The following HNRNPU variants were observed in gnomAD, a reference collection of about 807,000 sequenced individuals.
HNRNPU encodes HNRNPU antisense RNA 1.
HNRNPU carries 5 observed loss-of-function variants against 94.7 expected under a neutral mutation model. The observed-to-expected ratio is 0.05, with a 90% confidence interval of 0.03 to 0.11. The LOEUF is 0.11. HNRNPU is among the 10% of genes least tolerant of loss of function. The probability of loss-of-function intolerance (pLI) is 1.00; values close to 1 mark genes in which losing one functional copy is unlikely to be tolerated. For synonymous variants in HNRNPU, 434 were observed against 381.6 expected, an observed-to-expected ratio of 1.14 and a Z score of -1.60; for missense variants, 710 against 1,049.2, an observed-to-expected ratio of 0.68 and a Z score of 4.47.
intron 8 of HNRNPU, 133 bp from the exon 9 acceptor site, chr1:244,856,989 C>G: frequency 1.4e-6 from 1 of 724,506 alleles, no homozygotes; most frequent in South Asian, 2.0e-5. Context: ...TCCATTATTG[C>G]TACAAAAACA....
At position 244,863,420 on chromosome 1, in the gene HNRNPU, ACGCG is replaced by A. The variant is rs1553283725; in HGVS notation, c.691+193_691+196del. 2.9e-5 allele frequency among the ~76,000 whole-genome samples: 4 copies of A among 138,796 alleles called. 1 individual carries two copies. The highest frequency in any genetic ancestry group is 4.6e-5 in the Non-Finnish European group (3 of 64,614). 91.1% of individuals were successfully genotyped at this position (138,796 alleles called of 152,430 possible). A position where few individuals can be genotyped will look rare whatever the true frequency, so the allele number is the denominator to read the frequency against. On this transcript the variant is annotated intron_variant, in intron 1 of 13. Coordinates refer to ENST00000640218, the MANE Select transcript of HNRNPU (RefSeq NM_031844.3). ...GACACACACACACACACACACACAC[ACGCG>A]CGCGCGCACACACACGCCCCGAGCC...
Position 244,859,364 on chromosome 1 carries a change from T to C in HNRNPU, c.1028A>G (p.Lys343Arg). ...KVCFEMKVTE[K>R]IPVRHLYTKD... ...TGTATATAAATGCCTTACTGGGATC[T>C]TCTCTGTAACCTGAAAGTCAAATCA... is the stretch of plus-strand genomic sequence containing the variant. The change falls in exon 5 of 14, where the codon AAG becomes AGG. Residue 343 changes from lysine to arginine, a missense_variant. Transcript: ENST00000640218. 4.6e-6 allele frequency: 7 copies of C among 1,531,112 alleles called. No homozygotes were observed. The highest frequency in any genetic ancestry group is 2.2e-5 in the East Asian group (1 of 44,514). The allele number at this position is 1,531,112 out of a possible 1,614,324, so 94.8% of individuals were successfully genotyped here. A position where few individuals can be genotyped will look rare whatever the true frequency, so the allele number is the denominator to read the frequency against.
In HNRNPU at chr1:244,853,440, ACTTT is replaced by A. The variant is rs1680598709; in HGVS notation, c.*1006_*1009del. Reference sequence around the variant, plus strand: ...AACGTCTAAATTAATTTCTCCACCCACTTTCTTTAGAAAGAAAAAGAAATCAGCA... The same window carrying A: ...AACGTCTAAATTAATTTCTCCACCCACTTTAGAAAGAAAAAGAAATCAGCA... On this transcript the variant is annotated 3_prime_UTR_variant, in exon 14 of 14. Transcript: ENST00000640218. The A allele has an allele frequency of 6.6e-6, 1 of 152,498 alleles. No homozygotes were observed. The highest frequency in any genetic ancestry group is 2.4e-5 in the African/African-American group (1 of 41,444). The allele number at this position is 152,498 out of a possible 1,614,324, so 9.4% of individuals were successfully genotyped here.
rs1160039743 is a variant in HNRNPU at position 244,853,959 on chromosome 1, CAG to C, written c.*489_*490del. The C allele has an allele frequency of 6.5e-6, 1 of 152,764 alleles. No homozygotes were observed. Among genetic ancestry groups the C allele is most frequent in the Non-Finnish European group, 1.5e-5 (1 of 68,360 alleles). The allele number at this position is 152,764 out of a possible 1,614,324, so 9.5% of individuals were successfully genotyped here. A position where few individuals can be genotyped will look rare whatever the true frequency, so the allele number is the denominator to read the frequency against. On this transcript the variant is annotated 3_prime_UTR_variant, in exon 14 of 14. Coordinates refer to ENST00000640218, the MANE Select transcript of HNRNPU (RefSeq NM_031844.3). ...ACCCCCTCCACTACCCAGCAAACTA[CAG>C]AGAGGATGGAGTGTAATATGAGCAG...
chr1:244,862,396 A>AT, intron 3 of HNRNPU, 65 bp downstream of exon 3: 2 of 609,812 alleles, frequency 3.3e-6, no homozygotes, highest in Non-Finnish European at 4.4e-6. Flanking sequence ...TAAGACTTCT[A>AT]AAAAAAAAAA....
At chr1:244,859,437 C>G (rs1276909054) in intron 4 of HNRNPU, 63 bp from the exon 5 acceptor site, 1 of 809,954 alleles carries the variant, frequency 1.2e-6, no homozygotes, top group East Asian at 2.5e-5. Flanking sequence ...TTAACTCTCG[C>G]ATATTTCATT....
At position 244,864,085 on chromosome 1, in the gene HNRNPU, C is replaced by G. The variant is rs773969888; in HGVS notation, c.223G>C (p.Glu75Gln). 8.9e-5 allele frequency: 143 copies of G among 1,598,874 alleles called. No homozygotes were observed. Among genetic ancestry groups the G allele is most frequent in the Non-Finnish European group, 1.1e-4 (134 of 1,173,126 alleles). Residue 75 changes from glutamate (E) to glutamine (Q), a missense_variant, in exon 1 of 14, where the codon GAG becomes CAG. This residue lies in a region of HNRNPU where 292 missense variants were observed against 293.4 expected (regional missense o/e 1.00). Transcript: ENST00000640218. The part of the protein sequence containing the change: ...DSAGRSGAGL[E>Q]QEAAAGGDEE... ...TCGCCGCCGGCCGCGGCCTCCTGCT[C>G]GAGGCCTGCTCCCGAGCGCCCAGCG... is the stretch of plus-strand genomic sequence containing the variant.
Position 244,858,721 on chromosome 1 carries a change from T to G in HNRNPU, c.1230+8A>C, listed in dbSNP as rs555094041. ...CCATTTATACATAGAAAGTTAGCTTTAACTTACAGCAAAACATGTAATCAC... is the reference window on the plus strand; with the variant it reads ...CCATTTATACATAGAAAGTTAGCTTGAACTTACAGCAAAACATGTAATCAC... On this transcript the variant is annotated splice_region_variant and intron_variant, in intron 6 of 13. Transcript: ENST00000640218. 7.6e-5 allele frequency: 111 copies of G among 1,468,040 alleles called. No individual in the cohort carries two copies. The highest frequency in any genetic ancestry group is 3.5e-4 in the Middle Eastern group (2 of 5,784). 90.9% of individuals were successfully genotyped at this position (1,468,040 alleles called of 1,614,324 possible). A position where few individuals can be genotyped will look rare whatever the true frequency, so the allele number is the denominator to read the frequency against.
chr1:244,854,550 C>A, intron 13 of HNRNPU, 47 bp from the exon 14 acceptor site: 1 of 1,221,630 alleles, frequency 8.2e-7, no homozygotes, highest in Non-Finnish European at 1.2e-6. Context: ...CAATAAGCCA[C>A]TCAAACTGTT....
Position 244,853,074 on chromosome 1 carries a change from T to C in HNRNPU, c.*1376A>G, listed in dbSNP as rs1337859942. 3 of 152,558 alleles carry C rather than the reference T, an allele frequency of 2.0e-5. No individual in the cohort carries two copies. The highest frequency in any genetic ancestry group is 2.9e-5 in the Non-Finnish European group (2 of 68,008). 9.5% of individuals were successfully genotyped at this position (152,558 alleles called of 1,614,324 possible). A position where few individuals can be genotyped will look rare whatever the true frequency, so the allele number is the denominator to read the frequency against. Reference sequence around the variant, plus strand: ...GAGTTTCATGTATCATATATATGTATATAAAATAATCAGTTGAGGACAGCA... The same window carrying C: ...GAGTTTCATGTATCATATATATGTACATAAAATAATCAGTTGAGGACAGCA... On this transcript the variant is annotated 3_prime_UTR_variant, in exon 14 of 14. Coordinates refer to ENST00000640218, the MANE Select transcript of HNRNPU (RefSeq NM_031844.3).
chr1:244,858,126 C>T lies in HNRNPU; in HGVS notation c.1379G>A (p.Gly460Asp), dbSNP rs1376854423. The change falls in exon 7 of 14, where the codon GGT (glycine) becomes GAT (aspartate). Residue 460 changes from glycine (G) to aspartate (D), a missense_variant. Coordinates refer to ENST00000640218, the MANE Select transcript of HNRNPU (RefSeq NM_031844.3). ...TGGAAAATATGGCTTTTCCTTCTGA[C>T]CAAAATTAAATTCAACTGCACAGTT... ...CHNCAVEFNF[G>D]QKEKPYFPIP... is the part of the protein sequence containing the mutation. The T allele has an allele frequency of 6.2e-7, 1 of 1,614,120 alleles. No individual in the cohort carries two copies. Among genetic ancestry groups the T allele is most frequent in the South Asian group, 1.1e-5 (1 of 91,082 alleles).
intron 10 of HNRNPU, 81 bp downstream of exon 10, chr1:244,856,376 T>C (rs1387792822): frequency 3.5e-6 from 5 of 1,410,914 alleles, no homozygotes; most frequent in East Asian, 4.6e-5. Context: ...AGATTTAACA[T>C]AGTTACACAA....
chr1:244,855,776 C>T (rs1680663130), intron 11 of HNRNPU, 128 bp downstream of exon 11: 3 of 1,272,848 alleles, frequency 2.4e-6, no homozygotes, highest in Non-Finnish European at 3.3e-6. Context: ...AATATCAAAT[C>T]ACATGAATAC....
At position 244,850,650 on chromosome 1, in the gene HNRNPU, T is replaced by G. The variant is rs1680523471; in HGVS notation, c.*3800A>C. The G allele has an allele frequency of 6.6e-6, 1 of 152,194 alleles. No individual in the cohort carries two copies. Among genetic ancestry groups the G allele is most frequent in the Non-Finnish European group, 1.5e-5 (1 of 68,042 alleles). The allele number at this position is 152,194 out of a possible 1,614,324, so 9.4% of individuals were successfully genotyped here. ...TCTTGCTCAAAGCACTAATGTTCAGTCCCTCACCATTTATGCTGGGTATGA... is the reference window on the plus strand; with the variant it reads ...TCTTGCTCAAAGCACTAATGTTCAGGCCCTCACCATTTATGCTGGGTATGA... On this transcript the variant is annotated 3_prime_UTR_variant, in exon 14 of 14. Transcript: ENST00000640218.
At chr1:244,855,133 T>C in intron 12 of HNRNPU, 89 bp from the exon 13 acceptor site, 1 of 1,016,028 alleles carries the variant, frequency 9.8e-7, no homozygotes, top group Non-Finnish European at 1.6e-6. Context: ...AATGGACAGG[T>C]TGCTAGCCCC....
chr1:244,857,167 C>CT, intron 8 of HNRNPU: 1 of 258,776 alleles, frequency 3.9e-6, no homozygotes, highest in East Asian at 8.4e-5. Context: ...CCTCCCATCT[C>CT]TTTAAGATAC....
rs554568535 is a variant in HNRNPU at position 244,863,956 on chromosome 1, A to G, written c.352T>C (p.Ser118Pro). The change falls in exon 1 of 14, where the codon TCG becomes CCG. Residue 118 changes from serine (S) to proline (P), a missense_variant. By Grantham distance (74) the Ser-to-Pro change is moderately conservative. Coordinates refer to ENST00000640218, the MANE Select transcript of HNRNPU (RefSeq NM_031844.3). Reference protein sequence around the residue: ...EENGAAGAADSGPMEEEEAAS... With the variant: ...EENGAAGAADPGPMEEEEAAS... Reference sequence around the variant, plus strand: ...GCCTCCTCCTCCTCCATCGGGCCCGAGTCGGCCGCCCCCGCGGCCCCGTTC... The same window carrying G: ...GCCTCCTCCTCCTCCATCGGGCCCGGGTCGGCCGCCCCCGCGGCCCCGTTC... 2 of 1,613,096 alleles carry G rather than the reference A, an allele frequency of 1.2e-6. No individual in the cohort carries two copies. Among genetic ancestry groups the G allele is most frequent in the South Asian group, 2.2e-5 (2 of 91,024 alleles).
chr1:244,859,424 C>T (rs1367559109), intron 4 of HNRNPU, 50 bp from the exon 5 acceptor site: 2 of 902,312 alleles, frequency 2.2e-6, no homozygotes, highest in Middle Eastern at 2.2e-4. Context: ...AGGAGGTAAC[C>T]CCTTAACTCT....
Position 244,852,003 on chromosome 1 carries a change from A to G in HNRNPU, c.*2447T>C, listed in dbSNP as rs967544740. ...TAGTGAAAGCACCCTTCAAATCAAC[A>G]GCAATCTCACAGTGAGTTTCCTCTG... On this transcript the variant is annotated 3_prime_UTR_variant, in exon 14 of 14. Coordinates refer to ENST00000640218, the MANE Select transcript of HNRNPU (RefSeq NM_031844.3). The G allele has an allele frequency of 1.3e-5, 2 of 152,340 alleles. No individual in the cohort carries two copies. The highest frequency in any genetic ancestry group is 2.1e-4 in the South Asian group (1 of 4,832). 9.4% of individuals were successfully genotyped at this position (152,340 alleles called of 1,614,324 possible). A position where few individuals can be genotyped will look rare whatever the true frequency, so the allele number is the denominator to read the frequency against.
Sources: allele counts gnomAD v4.1 joint callset (sites outside exome capture counted in the v4.1 genomes callset), GRCh38; gene constraint gnomAD v4.1.1; regional missense constraint gnomAD v4.1.1; transcripts MANE v1.5; gene names NCBI Gene and HGNC (gene_info 2026-07-23, HGNC 2026-07-21).